The following NFAM1 variants were observed in gnomAD, a reference collection of about 807,000 sequenced individuals.
NFAM1 encodes the protein NFAT activation molecule 1.
NFAM1 carries 17 observed loss-of-function variants against 29.0 expected under a neutral mutation model. The observed-to-expected ratio is 0.59, with a 90% CI of 0.40 to 0.88. NFAM1 has a LOEUF of 0.88. Among genes scored for constraint, NFAM1 ranks in the 40% least tolerant of loss-of-function variants. NFAM1 has a pLI of 0.00. For synonymous variants in NFAM1, 175 were observed against 147.2 expected (o/e 1.19, Z -1.36); for missense variants, 324 against 344.6 (o/e 0.94, Z 0.47).
chr22:42,433,889 C>T (rs971625429), upstream of NFAM1, among the ~76,000 whole-genome samples: 3 of 152,128 alleles, frequency 2.0e-5, no homozygotes, highest in Non-Finnish European at 2.9e-5. Flanking sequence ...TGGTGATAGA[C>T]CTCGTGTCAA....
chr22:42,433,058 T>C (rs568449183), upstream of NFAM1, among the ~76,000 whole-genome samples: 1 of 152,322 alleles, frequency 6.6e-6, no homozygotes, highest in Non-Finnish European at 1.5e-5. Flanking sequence ...CTCCCAACTG[T>C]GAGACCCTCG....
chr22:42,394,317 G>A (rs865981867), intron 4 of NFAM1, among the ~76,000 whole-genome samples: 1 of 151,950 alleles, frequency 6.6e-6, no homozygotes, highest in African/African-American at 2.4e-5. Context: ...GGATTACAGG[G>A]GTAAGCCACT....
intron 3 of NFAM1, among the ~76,000 whole-genome samples, chr22:42,407,691 C>T (rs1601748133): frequency 1.3e-5 from 2 of 152,250 alleles, no homozygotes; most frequent in African/African-American, 4.8e-5. Context: ...TGGGCTCAAG[C>T]GATCCTTCCA....
Position 42,384,900 on chromosome 22 carries a change from C to A in NFAM1, c.*261G>T. The A allele has an allele frequency of 1.8e-6, 1 of 569,962 alleles. No homozygotes were observed. Among genetic ancestry groups the A allele is most frequent in the Admixed American group, 3.0e-5 (1 of 33,130 alleles). 35.3% of individuals were successfully genotyped at this position (569,962 alleles called of 1,614,324 possible). On this transcript the variant is annotated 3_prime_UTR_variant, in exon 6 of 6. Transcript: ENST00000329021. ...CCCTTGAAGACTGAGGGGCGCTTTGCTGGTTGGGCCAAGGGAGGAAGGGCC... is the reference window on the plus strand; with the variant it reads ...CCCTTGAAGACTGAGGGGCGCTTTGATGGTTGGGCCAAGGGAGGAAGGGCC...
At chr22:42,430,731 G>C (rs770011966) in intron 1 of NFAM1, among the ~76,000 whole-genome samples, 1 of 151,990 alleles carries the variant, frequency 6.6e-6, no homozygotes, top group Non-Finnish European at 1.5e-5. Flanking sequence ...TGTTATAGTT[G>C]AGACTGTTAC....
upstream of NFAM1, chr22:42,432,493 C>T (rs1569238734): frequency 5.4e-6 from 7 of 1,297,894 alleles, no homozygotes; most frequent in Non-Finnish European, 7.2e-6. Flanking sequence ...AAAGCTGGAA[C>T]AGCCCAGCAG....
intron 4 of NFAM1, among the ~76,000 whole-genome samples, chr22:42,393,400 T>C (rs920484887): frequency 2.0e-5 from 3 of 151,690 alleles, no homozygotes; most frequent in Non-Finnish European, 4.4e-5. Flanking sequence ...TATTTATTTA[T>C]TTATTTATTT....
chr22:42,432,106 T>C (rs900268731), intron 1 of NFAM1, 131 bp downstream of exon 1: 96 of 826,546 alleles, frequency 1.2e-4, no homozygotes, highest in Non-Finnish European at 1.8e-4. Context: ...CTGTGAAGTC[T>C]GCAGCGTTCA....
At chr22:42,436,997 C>T, upstream of NFAM1, 1 of 984,840 alleles carries the variant, frequency 1.0e-6, no homozygotes, top group Non-Finnish European at 1.2e-6. Flanking sequence ...TTCTACTGGA[C>T]ACATACCATG....
At chr22:42,386,932 T>G in intron 5 of NFAM1, 57 bp downstream of exon 5, 1 of 942,796 alleles carries the variant, frequency 1.1e-6, no homozygotes, top group Non-Finnish European at 1.6e-6. Context: ...ACTTCACCAG[T>G]GATGGGAGGG....
rs200885216 is a variant in NFAM1 at position 42,432,271 on chromosome 22, G to A, written c.87C>T (p.Gly29=). 15 of 1,572,704 alleles carry A rather than the reference G, an allele frequency of 9.5e-6. No individual in the cohort carries two copies. The highest frequency in any genetic ancestry group is 1.7e-4 in the Middle Eastern group (1 of 5,792). ...GLPAAPWLLL[G]VLLLPGTLRL... is the part of the protein sequence containing the mutation. ...GCAGGGTCCCGGGCAGCAGCAGCAC[G>A]CCAAGGAGGAGCCAGGGGGCTGCGG... The change falls in exon 1 of 6, where the codon GGC becomes GGT. Residue 29 remains glycine (G), a synonymous_variant. Transcript: ENST00000329021.
upstream of NFAM1, among the ~76,000 whole-genome samples, chr22:42,436,238 G>T (rs186147030): frequency 4.7e-4 from 72 of 152,280 alleles, no homozygotes; most frequent in African/African-American, 1.6e-3. Flanking sequence ...CAGAAGTGCC[G>T]TGGGAAGGAG....
At chr22:42,414,560 T>TC (rs1405469138) in intron 1 of NFAM1, among the ~76,000 whole-genome samples, 1 of 151,818 alleles carries the variant, frequency 6.6e-6, no homozygotes, top group Non-Finnish European at 1.5e-5. Context: ...GCATCAAATT[T>TC]TTTTTTTTTT....
chr22:42,416,387 T>A (rs1930260739), intron 1 of NFAM1, among the ~76,000 whole-genome samples: 1 of 152,100 alleles, frequency 6.6e-6, no homozygotes, highest in Non-Finnish European at 1.5e-5. Flanking sequence ...CGGACCCCAG[T>A]TGGTCTGGCT....
chr22:42,399,953 G>T (rs1299419553), intron 3 of NFAM1, among the ~76,000 whole-genome samples: 3 of 152,238 alleles, frequency 2.0e-5, no homozygotes, highest in Non-Finnish European at 4.4e-5. Context: ...ATGGAGCCAG[G>T]TAGGGTTCTC....
intron 3 of NFAM1, among the ~76,000 whole-genome samples, chr22:42,399,672 G>T (rs903637826): frequency 3.3e-5 from 5 of 152,134 alleles, no homozygotes; most frequent in African/African-American, 7.2e-5. Flanking sequence ...GGCCTGCTGG[G>T]AAGGTGAAGG....
chr22:42,387,214 A>C (rs1236802166), intron 4 of NFAM1, 136 bp from the exon 5 acceptor site: 8 of 516,530 alleles, frequency 1.5e-5, no homozygotes, highest in African/African-American at 6.1e-5. Flanking sequence ...ACACCTTTGC[A>C]CCTGCCACCC....
At chr22:42,387,750 C>A (rs1053097726) in intron 4 of NFAM1, among the ~76,000 whole-genome samples, 2 of 152,112 alleles carry the variant, frequency 1.3e-5, no homozygotes. Context: ...CCCTCCTGGG[C>A]CACCTGGGCT....
intron 4 of NFAM1, 129 bp from the exon 5 acceptor site, chr22:42,387,207 C>A (rs938712572): frequency 1.2e-4 from 64 of 528,176 alleles, no homozygotes; most frequent in Non-Finnish European, 1.7e-4. Context: ...CCCAGCCACA[C>A]CTTTGCACCT....
Sources: allele counts gnomAD v4.1 joint callset (sites outside exome capture counted in the v4.1 genomes callset), GRCh38; gene constraint gnomAD v4.1.1; transcripts MANE v1.5; gene names NCBI Gene and HGNC (gene_info 2026-07-23, HGNC 2026-07-21).